MYOM2: variants seen among roughly 807,000 people sequenced by gnomAD.
MYOM2 encodes the protein myomesin 2.
Under a neutral mutation model 187.6 loss-of-function variants are expected in MYOM2, and 254 were observed. The observed-to-expected ratio is 1.35, with a 90% confidence interval of 1.22 to 1.50. The LOEUF is 1.50. Ranked by LOEUF, MYOM2 falls within the 40% of genes most tolerant of loss-of-function variation. The pLI is 0.00. For missense variants in MYOM2, 2,796 were observed against 1,924.0 expected, an observed-to-expected ratio of 1.45 and a Z score of -8.48; for synonymous variants, 981 against 753.8, an observed-to-expected ratio of 1.30 and a Z score of -4.94.
At chr8:2,072,671 C>A (rs2294057) in intron 9 of MYOM2, among the ~76,000 whole-genome samples, 162 bp downstream of exon 9, 1 of 152,040 alleles carries the variant, frequency 6.6e-6, no homozygotes, top group Non-Finnish European at 1.5e-5. Flanking sequence ...GCCCACCGTT[C>A]GCCTTGAACT....
At chr8:2,096,798 A>G (rs6558603) in intron 18 of MYOM2, among the ~76,000 whole-genome samples, 58,155 of 152,026 alleles carry the variant, frequency 0.38, 11,940 homozygotes, top group East Asian at 0.53. Flanking sequence ...GTCACGCTGA[A>G]TGTCTGTTTA....
At position 2,129,222 on chromosome 8, in the gene MYOM2, T is replaced by G; in HGVS notation, c.3790T>G (p.Trp1264Gly). The change falls in exon 32 of 37, where the codon TGG becomes GGG. Residue 1264 changes from tryptophan to glycine, a missense_variant. Transcript: ENST00000262113. ...TTTTACAGACGAAATGAAAGTGAAC[T>G]GGTGTCACAAGTAAGTATGACAGCA... The part of the protein sequence containing the change: ...KYFTDEMKVN[W>G]CHKDAKISSS... 6.2e-7 allele frequency: 1 copy of G among 1,608,594 alleles called. No homozygotes were observed. Among genetic ancestry groups the G allele is most frequent in the East Asian group, 2.2e-5 (1 of 44,758 alleles).
rs549300427 is a variant in MYOM2 at position 2,065,224 on chromosome 8, A to G, written c.654-4054A>G. On this transcript the variant is annotated intron_variant, in intron 6 of 36. Transcript: ENST00000262113. ...AGATAAGAATGATCGGGCTGGTCTC[A>G]TGAAGGCACCAGTTTGGAAGGAGAA... Among the ~76,000 whole-genome samples the G allele has an allele frequency of 3.9e-5, 6 of 152,316 alleles. No homozygotes were observed. In the East Asian group the frequency reaches 9.6e-4, roughly 24 times the overall value.
At position 2,098,984 on chromosome 8, in the gene MYOM2, G is replaced by C. The variant is rs753873929; in HGVS notation, c.2440+1G>C. The C allele has an allele frequency of 2.5e-6, 4 of 1,601,152 alleles. No homozygotes were observed. In the South Asian group the frequency reaches 4.4e-5, roughly 18 times the overall value. On this transcript the variant is annotated splice_donor_variant, in intron 19 of 36. Transcript: ENST00000262113. LOFTEE classifies it high-confidence loss of function. ...GAGGCCTGGACCATGCCGGAGCCCG[G>C]TGAGTCGCTGCCCCCAGGACACCCG...
chr8:2,057,043 C>T (rs1345765557), intron 3 of MYOM2, among the ~76,000 whole-genome samples: 1 of 152,188 alleles, frequency 6.6e-6, no homozygotes, highest in Non-Finnish European at 1.5e-5. Flanking sequence ...TTAGGGCCTC[C>T]AAGCGGTTTG....
Position 2,117,935 on chromosome 8 carries a change from G to C in MYOM2, c.3436G>C (p.Val1146Leu), listed in dbSNP as rs1797302483. 6.2e-7 allele frequency: 1 copy of C among 1,613,016 alleles called. No homozygotes were observed. The highest frequency in any genetic ancestry group is 1.3e-5 in the African/African-American group (1 of 74,826). Residue 1146 changes from valine to leucine, a missense_variant, in exon 28 of 37, where the codon GTT becomes CTT. Coordinates refer to ENST00000262113, the MANE Select transcript of MYOM2 (RefSeq NM_003970.4). ...CTGGGATGTCACGGAAGAATGTGAA[G>C]TTCGACTTGTTTGCAAGGTGAGAAA... ...LHWDVTEECEVRLVCKVANTK... is the reference protein window; with the variant it reads ...LHWDVTEECELRLVCKVANTK...
intron 20 of MYOM2, among the ~76,000 whole-genome samples, chr8:2,101,536 C>T (rs12548431): frequency 0.41 from 62,081 of 151,974 alleles, 12,944 homozygotes; most frequent in East Asian, 0.5. Context: ...CCGCCATGCG[C>T]GTTGTGGGGC....
intron 4 of MYOM2, 28 bp downstream of exon 4, chr8:2,057,514 T>G (rs780178513): frequency 1.2e-6 from 2 of 1,613,628 alleles, no homozygotes; most frequent in South Asian, 1.1e-5. Flanking sequence ...TGGCTGGGTG[T>G]CTGGGAAGCG....
intron 36 of MYOM2, 143 bp downstream of exon 36, chr8:2,143,599 A>C (rs1255319506): frequency 4.2e-6 from 4 of 946,002 alleles, no homozygotes; most frequent in African/African-American, 1.6e-5. Context: ...AGTCCCCCCC[A>C]CTTTTCTGCC....
At position 2,073,359 on chromosome 8, in the gene MYOM2, A is replaced by G; in HGVS notation, c.979A>G (p.Lys327Glu). 3 of 1,611,552 alleles carry G rather than the reference A, an allele frequency of 1.9e-6. No homozygotes were observed. Among genetic ancestry groups the G allele is most frequent in the Middle Eastern group, 3.3e-4 (2 of 6,046 alleles). Residue 327 changes from lysine to glutamate, a missense_variant, in exon 10 of 37, where the codon AAG (lysine) becomes GAG (glutamate). Lys to Glu is a moderately conservative substitution (Grantham distance 56, BLOSUM62 1). Transcript: ENST00000262113. ...TTCAGACGTGCTGTTGAAAGAGTCC[A>G]AGTGGACGAAGATGTTCTTTGGAGA... ...YRDDVLLKES[K>E]WTKMFFGEGQ... is the part of the protein sequence containing the mutation.
At chr8:2,143,539 G>A (rs1055722353) in intron 36 of MYOM2, 83 bp downstream of exon 36, 7 of 1,545,906 alleles carry the variant, frequency 4.5e-6, no homozygotes, top group Non-Finnish European at 6.2e-6. Flanking sequence ...GGAGCAGAGG[G>A]AACCCAGTGA....
chr8:2,128,540 A>G (rs1395316658), intron 31 of MYOM2, among the ~76,000 whole-genome samples: 2 of 152,146 alleles, frequency 1.3e-5, no homozygotes, highest in African/African-American at 2.4e-5. Flanking sequence ...CTGACCTCTG[A>G]CCCATAGATC....
intron 27 of MYOM2, among the ~76,000 whole-genome samples, chr8:2,117,014 T>A (rs184823410): frequency 1.3e-5 from 2 of 152,362 alleles, no homozygotes; most frequent in Admixed American, 6.5e-5. Context: ...CCGCCCGCCT[T>A]GGCCTCCCAA....
chr8:2,135,011 C>G (rs1422147630), intron 32 of MYOM2, among the ~76,000 whole-genome samples: 1 of 152,198 alleles, frequency 6.6e-6, no homozygotes, highest in Non-Finnish European at 1.5e-5. Context: ...TCCGTGTCCA[C>G]TTCTGCATCT....
At position 2,098,861 on chromosome 8, in the gene MYOM2, A is replaced by C; in HGVS notation, c.2318A>C (p.Asp773Ala). The C allele has an allele frequency of 6.2e-7, 1 of 1,611,032 alleles. No homozygotes were observed. Among genetic ancestry groups the C allele is most frequent in the Non-Finnish European group, 8.5e-7 (1 of 1,177,876 alleles). Residue 773 changes from aspartate (D) to alanine (A), a missense_variant, in exon 19 of 37, where the codon GAC becomes GCC. Transcript: ENST00000262113. ...SPSKPTILTVDGLTEGSLYEF... is the reference protein window; with the variant it reads ...SPSKPTILTVAGLTEGSLYEF... ...ATTTAAACAAAATCTGAATAGGTGG[A>C]CGGCTTGACGGAAGGCTCACTCTAC...
At chr8:2,123,707 T>G in intron 30 of MYOM2, 65 bp downstream of exon 30, 2 of 1,408,438 alleles carry the variant, frequency 1.4e-6, no homozygotes, top group Non-Finnish European at 2.0e-6. Context: ...TGGGATGTAT[T>G]CTGAAGGCAG....
intron 25 of MYOM2, among the ~76,000 whole-genome samples, 170 bp from the exon 26 acceptor site, chr8:2,115,790 C>T (rs1027444833): frequency 6.6e-6 from 1 of 152,194 alleles, no homozygotes; most frequent in Non-Finnish European, 1.5e-5. Context: ...AGCTCATACC[C>T]ACTGTTTGAT....
chr8:2,098,753 C>A lies in MYOM2; in HGVS notation c.2314-104C>A, dbSNP rs546429241. 1,723 of 1,267,542 alleles carry A rather than the reference C, an allele frequency of 1.4e-3. 3 individuals carry two copies. Among genetic ancestry groups the A allele is most frequent in the Non-Finnish European group, 1.7e-3 (1,564 of 935,978 alleles). The allele number at this position is 1,267,542 out of a possible 1,614,324, so 78.5% of individuals were successfully genotyped here. A position where few individuals can be genotyped will look rare whatever the true frequency, so the allele number is the denominator to read the frequency against. On this transcript the variant is annotated intron_variant, in intron 18 of 36. Coordinates refer to ENST00000262113, the MANE Select transcript of MYOM2 (RefSeq NM_003970.4). ...GTCCAATTTCCCGACAAGGTTCCTT[C>A]CTCTCATATTTTATTTCACAAGCCA...
chr8:2,137,727 G>C (rs139858301), intron 32 of MYOM2, among the ~76,000 whole-genome samples: 1 of 152,046 alleles, frequency 6.6e-6, no homozygotes, highest in Non-Finnish European at 1.5e-5. Context: ...CCTTGGATGG[G>C]GTACATTTAG....
Sources: allele counts gnomAD v4.1 joint callset (sites outside exome capture counted in the v4.1 genomes callset), GRCh38; gene constraint gnomAD v4.1.1; transcripts MANE v1.5; gene names NCBI Gene and HGNC (gene_info 2026-07-23, HGNC 2026-07-21).